Variants in PAPPA observed in about 807,000 individuals in gnomAD.
PAPPA encodes pappalysin 1.
A neutral mutation model predicts 164.0 loss-of-function variants in PAPPA; 60 were observed. That is an observed-to-expected ratio of 0.37 (90% CI 0.30 to 0.45). The LOEUF is 0.45. PAPPA is among the 20% of genes least tolerant of loss of function. The pLI, the probability that PAPPA is intolerant of heterozygous loss-of-function variation, is 1.00. For missense variants in PAPPA, 1,782 were observed against 2,087.3 expected (o/e 0.85, Z 2.85); for synonymous variants, 875 against 814.1 (o/e 1.07, Z -1.27).
At chr9:116,381,907 CTA>C (rs1273693212) in intron 20 of PAPPA, among the ~76,000 whole-genome samples, 13 of 152,342 alleles carry the variant, frequency 8.5e-5, no homozygotes, top group African/African-American at 3.1e-4. Flanking sequence ...TGCCAAATTC[CTA>C]TGAGTTCTTA....
chr9:116,383,886 A>G (rs1254292592), intron 21 of PAPPA, among the ~76,000 whole-genome samples: 1 of 152,212 alleles, frequency 6.6e-6, no homozygotes, highest in East Asian at 1.9e-4. Context: ...AAGGAATTTT[A>G]TCATTTTTTT....
chr9:116,295,871 C>T (rs1380670739), intron 9 of PAPPA, among the ~76,000 whole-genome samples: 2 of 152,202 alleles, frequency 1.3e-5, no homozygotes, highest in South Asian at 4.1e-4. Flanking sequence ...TGTCCTGATT[C>T]ATTAACGTAT....
At chr9:116,385,226 TC>T (rs1846791175) in intron 21 of PAPPA, among the ~76,000 whole-genome samples, 1 of 142,254 alleles carries the variant, frequency 7.0e-6, no homozygotes, top group Non-Finnish European at 1.5e-5. Context: ...AAAACGAGAC[TC>T]CATCTCAAAA....
chr9:116,239,055 C>T (rs376461743), intron 7 of PAPPA, among the ~76,000 whole-genome samples: 16 of 152,150 alleles, frequency 1.1e-4, no homozygotes, highest in African/African-American at 3.4e-4. Context: ...CTGACTCAAC[C>T]CATTACATGA....
chr9:116,296,027 G>T (rs915596023), intron 9 of PAPPA, among the ~76,000 whole-genome samples: 1 of 152,180 alleles, frequency 6.6e-6, no homozygotes, highest in Non-Finnish European at 1.5e-5. Flanking sequence ...GAAAGCTTTG[G>T]TAGCTCTTAT....
chr9:116,277,362 T>C (rs916576343), intron 9 of PAPPA, among the ~76,000 whole-genome samples: 7 of 152,138 alleles, frequency 4.6e-5, no homozygotes, highest in Middle Eastern at 3.4e-3. Flanking sequence ...GTCATGGTGG[T>C]AGTGATTAAG....
chr9:116,251,565 G>T (rs1027022089), intron 7 of PAPPA, among the ~76,000 whole-genome samples: 1 of 152,168 alleles, frequency 6.6e-6, no homozygotes, highest in Non-Finnish European at 1.5e-5. Flanking sequence ...GGGGCCCTCC[G>T]TTGGACTCCC....
chr9:116,317,459 C>T (rs947237649), intron 10 of PAPPA, among the ~76,000 whole-genome samples: 1 of 152,292 alleles, frequency 6.6e-6, no homozygotes, highest in South Asian at 2.1e-4. Context: ...ATTTTAGTGC[C>T]TTACTCCAGG....
intron 1 of PAPPA, among the ~76,000 whole-genome samples, chr9:116,182,742 C>T (rs1224020433): frequency 1.3e-5 from 2 of 152,138 alleles, no homozygotes; most frequent in African/African-American, 4.8e-5. Flanking sequence ...CATCAAGCTT[C>T]TGGGGGCCTA....
At chr9:116,181,024 C>G (rs1203554483) in intron 1 of PAPPA, among the ~76,000 whole-genome samples, 2 of 152,178 alleles carry the variant, frequency 1.3e-5, no homozygotes, top group African/African-American at 2.4e-5. Context: ...AACACACCAC[C>G]AATTTTGCTA....
rs374441838 is a variant in PAPPA at position 116,331,241 on chromosome 9, C to T, written c.3148-3C>T. On this transcript the variant is annotated splice_region_variant and splice_polypyrimidine_tract_variant and intron_variant, in intron 10 of 21. Transcript: ENST00000328252. ...TGATTATTTTTTCTTTATATTTTTC[C>T]AGGTGTGTCGAACCAAGGTGATAGA... 5.3e-5 allele frequency: 82 copies of T among 1,544,506 alleles called. No homozygotes were observed. In the African/African-American group the frequency reaches 9.7e-4, roughly 18 times the overall value.
intron 7 of PAPPA, among the ~76,000 whole-genome samples, chr9:116,236,557 G>T (rs1320620894): frequency 7.1e-6 from 1 of 141,640 alleles, no homozygotes; most frequent in Non-Finnish European, 1.5e-5. Context: ...TTGCACTCCA[G>T]CCTCGGCCAC....
chr9:116,165,126 A>G (rs1377343542), intron 1 of PAPPA, among the ~76,000 whole-genome samples: 1 of 152,234 alleles, frequency 6.6e-6, no homozygotes, highest in African/African-American at 2.4e-5. Context: ...CAAACAACTT[A>G]GAATGTTACT....
At chr9:116,379,741 T>C (rs903273785) in intron 20 of PAPPA, among the ~76,000 whole-genome samples, 1 of 152,132 alleles carries the variant, frequency 6.6e-6, no homozygotes, top group Non-Finnish European at 1.5e-5. Context: ...CCTGAAGAGC[T>C]ATCACAAAAT....
intron 10 of PAPPA, among the ~76,000 whole-genome samples, chr9:116,315,100 G>C (rs765085149): frequency 1.3e-5 from 2 of 152,120 alleles, no homozygotes; most frequent in Non-Finnish European, 2.9e-5. Context: ...TTTATGATTG[G>C]ATTAAATTTA....
chr9:116,379,633 C>T (rs764128854), intron 20 of PAPPA, among the ~76,000 whole-genome samples: 5 of 151,998 alleles, frequency 3.3e-5, no homozygotes, highest in Admixed American at 6.6e-5. Context: ...AAGTTTTGCA[C>T]AAATACGAGA....
intron 6 of PAPPA, among the ~76,000 whole-genome samples, chr9:116,230,767 C>A (rs546884676): frequency 6.6e-6 from 1 of 152,110 alleles, no homozygotes; most frequent in Non-Finnish European, 1.5e-5. Flanking sequence ...AACTGTATTT[C>A]ATACATGAAT....
chr9:116,313,309 T>C (rs1011551832), intron 10 of PAPPA, among the ~76,000 whole-genome samples: 2 of 152,090 alleles, frequency 1.3e-5, no homozygotes, highest in African/African-American at 4.8e-5. Flanking sequence ...CCCAGAATCC[T>C]TTTCCAAACA....
intron 17 of PAPPA, among the ~76,000 whole-genome samples, chr9:116,362,176 A>G (rs144775120): frequency 1.8e-3 from 270 of 152,316 alleles, no homozygotes; most frequent in African/African-American, 6.1e-3. Flanking sequence ...AAGAGGAAGT[A>G]AACTTTAGTG....
Sources: allele counts gnomAD v4.1 joint callset (sites outside exome capture counted in the v4.1 genomes callset), GRCh38; gene constraint gnomAD v4.1.1; transcripts MANE v1.5; gene names NCBI Gene and HGNC (gene_info 2026-07-23, HGNC 2026-07-21).